Variants in CDH13 observed in about 807,000 individuals in gnomAD.
CDH13 encodes the protein cadherin-13.
In CDH13, 24 loss-of-function variants were observed where a neutral mutation model predicts 63.8. That is an observed-to-expected ratio of 0.38 (90% CI 0.27 to 0.53). The LOEUF (loss-of-function observed/expected upper bound fraction) is 0.53, where lower values mean the gene tolerates loss of function less well. Ranked by LOEUF, CDH13 falls within the 20% of genes least tolerant of loss-of-function variation. CDH13 has a pLI of 0.85. For missense variants in CDH13, 1,049 were observed against 903.1 expected (o/e 1.16, Z -2.07); for synonymous variants, 503 against 355.3 (o/e 1.42, Z -4.67).
At chr16:83,081,281 C>G (rs146271407) in intron 3 of CDH13, among the ~76,000 whole-genome samples, 1 of 152,052 alleles carries the variant, frequency 6.6e-6, no homozygotes, top group Non-Finnish European at 1.5e-5. Flanking sequence ...AGTAGAAGAC[C>G]CAAGAGATAT....
chr16:83,210,477 A>G (rs1269593283), intron 4 of CDH13, among the ~76,000 whole-genome samples: 1 of 152,094 alleles, frequency 6.6e-6, no homozygotes, highest in Admixed American at 6.5e-5. Flanking sequence ...AATCAGAAAC[A>G]TGGAGGCCAG....
intron 5 of CDH13, among the ~76,000 whole-genome samples, chr16:83,230,871 C>T (rs1326687268): frequency 6.6e-6 from 1 of 152,202 alleles, no homozygotes. Flanking sequence ...TGGGTCAGCC[C>T]AGGAAATCTG....
chr16:82,669,918 C>T (rs1913038497), intron 1 of CDH13, among the ~76,000 whole-genome samples: 1 of 152,196 alleles, frequency 6.6e-6, no homozygotes, highest in South Asian at 2.1e-4. Context: ...GAGATGTAGT[C>T]TGTTTTCCCA....
intron 4 of CDH13, among the ~76,000 whole-genome samples, chr16:83,144,810 C>G (rs2036678080): frequency 6.6e-6 from 1 of 152,216 alleles, no homozygotes; most frequent in Admixed American, 6.5e-5. Flanking sequence ...GTGTCTATTT[C>G]AAGAACAGTC....
intron 2 of CDH13, among the ~76,000 whole-genome samples, chr16:82,961,679 C>A (rs1237764373): frequency 6.6e-6 from 1 of 151,626 alleles, no homozygotes; most frequent in Non-Finnish European, 1.5e-5. Context: ...TTCAAAGTTA[C>A]CCATGCTATT....
intron 6 of CDH13, among the ~76,000 whole-genome samples, chr16:83,364,977 C>A (rs1304815450): frequency 6.6e-6 from 1 of 152,096 alleles, no homozygotes; most frequent in Non-Finnish European, 1.5e-5. Context: ...GGCTTAAAAC[C>A]CAGGTGTTGG....
intron 2 of CDH13, among the ~76,000 whole-genome samples, chr16:82,929,735 G>C (rs2042424149): frequency 6.9e-6 from 1 of 144,624 alleles, no homozygotes; most frequent in Non-Finnish European, 1.5e-5. Flanking sequence ...CACCAAACTT[G>C]CTGGTGCCTT....
Position 83,032,189 on chromosome 16 carries a change from G to A in CDH13, c.337G>A (p.Gly113Arg), listed in dbSNP as rs183971768. Reference sequence around the variant, plus strand: ...AGATATGGCAGAACTCGTGATTGTCGGGGGGAAAGACATCCAGGGCTCCTT... The same window carrying A: ...AGATATGGCAGAACTCGTGATTGTCAGGGGGAAAGACATCCAGGGCTCCTT... The part of the protein sequence containing the change: ...AEDMAELVIV[G>R]GKDIQGSLQD... Residue 113 changes from glycine to arginine, a missense_variant, in exon 3 of 14, where the codon GGG becomes AGG. By Grantham distance (125) the Gly-to-Arg change is moderately radical (BLOSUM62 -2). Coordinates refer to ENST00000567109, the MANE Select transcript of CDH13 (RefSeq NM_001257.5). 88 of 1,613,252 alleles carry A rather than the reference G, an allele frequency of 5.5e-5. No homozygotes were observed. Among genetic ancestry groups the A allele is most frequent in the East Asian group, 2.0e-4 (9 of 44,828 alleles).
intron 6 of CDH13, among the ~76,000 whole-genome samples, chr16:83,404,924 A>G (rs1317369242): frequency 6.6e-6 from 1 of 152,186 alleles, no homozygotes; most frequent in Non-Finnish European, 1.5e-5. Flanking sequence ...CCTCAAAAAC[A>G]TTCGTTAGGT....
chr16:82,683,019 C>T (rs1365724376), intron 1 of CDH13, among the ~76,000 whole-genome samples: 1 of 152,206 alleles, frequency 6.6e-6, no homozygotes, highest in East Asian at 1.9e-4. Context: ...CCCCACTTAT[C>T]AGCTTTCTGA....
rs561650065 is a variant in CDH13 at position 83,052,389 on chromosome 16, C to T, written c.366+20171C>T. On this transcript the variant is annotated intron_variant, in intron 3 of 13. Transcript: ENST00000567109. Reference sequence around the variant, plus strand: ...TCATCTGTCCCTGAATTCCACCATACATGGCAGAAAACCACAATCATGTTT... The same window carrying T: ...TCATCTGTCCCTGAATTCCACCATATATGGCAGAAAACCACAATCATGTTT... Among the ~76,000 whole-genome samples the T allele has an allele frequency of 7.9e-5, 12 of 152,330 alleles. No homozygotes were observed. The East Asian group carries it at 2.1e-3, about 27-fold the overall frequency.
At position 82,627,337 on chromosome 16, in the gene CDH13, C is replaced by CGTGCGTGTGTGTGTGTGTGTGTGT. The variant is rs1555525839; in HGVS notation, c.45+203_45+204insCGTGTGTGTGTGTGTGTGTGTGTG. On this transcript the variant is annotated intron_variant, in intron 1 of 13. Transcript: ENST00000567109. ...ACACACAGGCTCCCACTCTGGCGTG[C>CGTGCGTGTGTGTGTGTGTGTGTGT]GTGTGTGTGTGTGTGTGTGTGTGTG... 1.4e-3 allele frequency among the ~76,000 whole-genome samples: 182 copies of CGTGCGTGTGTGTGTGTGTGTGTGT among 131,240 alleles called. 1 individual carries two copies. Among genetic ancestry groups the CGTGCGTGTGTGTGTGTGTGTGTGT allele is most frequent in the Non-Finnish European group, 2.4e-3 (144 of 61,042 alleles). 86.1% of individuals were successfully genotyped at this position (131,240 alleles called of 152,430 possible).
chr16:83,019,495 C>CTTTTTT (rs769273795), intron 2 of CDH13, among the ~76,000 whole-genome samples: 6 of 132,318 alleles, frequency 4.5e-5, no homozygotes, highest in East Asian at 2.2e-4. Context: ...TTAACATTTT[C>CTTTTTT]TTTTTTTTTT....
intron 2 of CDH13, among the ~76,000 whole-genome samples, chr16:82,999,793 C>T (rs994839061): frequency 2.0e-5 from 3 of 152,172 alleles, no homozygotes; most frequent in Non-Finnish European, 4.4e-5. Flanking sequence ...TATCTCTGTC[C>T]TCATCAATAA....
intron 5 of CDH13, among the ~76,000 whole-genome samples, chr16:83,220,641 G>T (rs1164461529): frequency 1.0e-5 from 1 of 96,446 alleles, no homozygotes; most frequent in Non-Finnish European, 2.2e-5. Flanking sequence ...AATAAAAATA[G>T]AAAAACAGAG....
At chr16:83,528,114 C>G (rs2075003822) in intron 7 of CDH13, among the ~76,000 whole-genome samples, 2 of 152,214 alleles carry the variant, frequency 1.3e-5, no homozygotes, top group Non-Finnish European at 2.9e-5. Flanking sequence ...ATATCCCAAA[C>G]TCACACAGCC....
At chr16:82,763,315 T>A (rs980579032) in intron 1 of CDH13, among the ~76,000 whole-genome samples, 1 of 152,226 alleles carries the variant, frequency 6.6e-6, no homozygotes, top group African/African-American at 2.4e-5. Context: ...ACAGCACTTA[T>A]TTCCTGACAC....
At chr16:83,521,285 A>T (rs561210199) in intron 7 of CDH13, among the ~76,000 whole-genome samples, 1 of 152,074 alleles carries the variant, frequency 6.6e-6, no homozygotes, top group Admixed American at 6.6e-5. Flanking sequence ...GTAATCGGCC[A>T]CCCTGTATGA....
At chr16:83,570,539 C>G (rs555761246) in intron 7 of CDH13, among the ~76,000 whole-genome samples, 1 of 152,030 alleles carries the variant, frequency 6.6e-6, no homozygotes, top group East Asian at 1.9e-4. Flanking sequence ...GTGGAACAGC[C>G]TCGCTGCTTT....
Sources: gnomAD v4.1 joint callset for allele counts (sites outside exome capture counted in the v4.1 genomes callset) on GRCh38, gnomAD v4.1.1 for gene constraint, MANE v1.5 for transcripts, NCBI Gene and HGNC (gene_info 2026-07-23, HGNC 2026-07-21) for gene names.